PPA1: variants seen among roughly 807,000 people sequenced by gnomAD.
PPA1 encodes the protein inorganic pyrophosphatase.
PPA1 carries 23 observed loss-of-function variants against 41.8 expected under a neutral mutation model. The ratio of observed to expected loss-of-function variants is 0.55; its 90% CI spans 0.40 to 0.78. PPA1 has a LOEUF of 0.78. PPA1 is among the 30% of genes least tolerant of loss of function. The pLI is 0.00. For missense variants in PPA1, 320 were observed against 361.6 expected, an observed-to-expected ratio of 0.89 and a Z score of 0.93; for synonymous variants, 101 against 116.8, an observed-to-expected ratio of 0.86 and a Z score of 0.87.
At chr10:70,212,823 CAA>C (rs59163604) in intron 6 of PPA1, among the ~76,000 whole-genome samples, 48 of 124,036 alleles carry the variant, frequency 3.9e-4, no homozygotes, top group African/African-American at 3.7e-4. Context: ...AATTTACCAC[CAA>C]AAAAAAAAAA....
chr10:70,232,821 C>T (rs1275859208), intron 1 of PPA1, among the ~76,000 whole-genome samples: 2 of 152,042 alleles, frequency 1.3e-5, no homozygotes, highest in Non-Finnish European at 2.9e-5. Context: ...ATCTGAGCTA[C>T]GGCGGCGGAA....
intron 1 of PPA1, among the ~76,000 whole-genome samples, chr10:70,232,643 G>A (rs904187325): frequency 1.3e-5 from 2 of 152,208 alleles, no homozygotes; most frequent in Non-Finnish European, 2.9e-5. Context: ...TGTTTCATAA[G>A]GAGCATTCCC....
In PPA1 at chr10:70,211,170, C is replaced by T. The variant is rs115837394; in HGVS notation, c.512-1485G>A. Among the ~76,000 whole-genome samples the T allele has an allele frequency of 6.6e-3, 1,001 of 152,288 alleles. 12 individuals carry two copies. The highest frequency in any genetic ancestry group is 0.023 in the African/African-American group (959 of 41,548). On this transcript the variant is annotated intron_variant, in intron 6 of 10. Coordinates refer to ENST00000373232, the MANE Select transcript of PPA1 (RefSeq NM_021129.4). ...GAATGCACTGGGAAATGTTTAAGCA[C>T]TAGTAAATTTCAAAGAACTTATAAT... is the stretch of plus-strand genomic sequence containing the variant.
At chr10:70,206,092 A>G (rs1839936261) in intron 9 of PPA1, 172 bp downstream of exon 9, 4 of 597,018 alleles carry the variant, frequency 6.7e-6, no homozygotes, top group South Asian at 6.4e-5. Flanking sequence ...CTTCTCCCTC[A>G]GTCAAATGGC....
At chr10:70,209,842 T>C (rs751514713) in intron 6 of PPA1, 157 bp from the exon 7 acceptor site, 311 of 866,602 alleles carry the variant, frequency 3.6e-4, no homozygotes, top group Admixed American at 4.5e-4. Flanking sequence ...TCACGGAAGT[T>C]CAAGATAACA....
intron 6 of PPA1, among the ~76,000 whole-genome samples, chr10:70,212,216 T>A (rs1241976999): frequency 6.6e-6 from 1 of 152,240 alleles, no homozygotes; most frequent in Non-Finnish European, 1.5e-5. Flanking sequence ...TCTTCCTCAT[T>A]TGTCTATTTA....
At chr10:70,218,713 AG>A in intron 3 of PPA1, 50 bp downstream of exon 3, 1 of 1,360,238 alleles carries the variant, frequency 7.4e-7, no homozygotes, top group Non-Finnish European at 1.0e-6. Context: ...CAGTGTGACT[AG>A]ATCAAAACCA....
At chr10:70,204,783 A>G in intron 10 of PPA1, 90 bp downstream of exon 10, 1 of 1,050,180 alleles carries the variant, frequency 9.5e-7, no homozygotes, top group East Asian at 2.6e-5. Context: ...AATATATTTA[A>G]TTATCATTTG....
At chr10:70,229,150 A>G (rs1840261415) in intron 2 of PPA1, among the ~76,000 whole-genome samples, 1 of 152,230 alleles carries the variant, frequency 6.6e-6, no homozygotes, top group African/African-American at 2.4e-5. Context: ...GTAAGAAAAG[A>G]TGTGTTTTTT....
chr10:70,208,478 A>T (rs1839975301), intron 8 of PPA1, among the ~76,000 whole-genome samples: 1 of 151,682 alleles, frequency 6.6e-6, no homozygotes, highest in Non-Finnish European at 1.5e-5. Context: ...GGCAAGCGCC[A>T]CCATGCCTGG....
At chr10:70,232,081 G>T (rs553515516) in intron 1 of PPA1, among the ~76,000 whole-genome samples, 170 of 152,276 alleles carry the variant, frequency 1.1e-3, no homozygotes, top group African/African-American at 3.9e-3. Context: ...AATGGAGAGT[G>T]GGGGGTAGTT....
intron 2 of PPA1, among the ~76,000 whole-genome samples, chr10:70,223,370 AC>A (rs918163725): frequency 6.6e-6 from 1 of 152,038 alleles, no homozygotes; most frequent in African/African-American, 2.4e-5. Context: ...GTGCACCACC[AC>A]ACCTGGCTAA....
Position 70,209,201 on chromosome 10 carries a change from T to C in PPA1, c.725+4A>G, listed in dbSNP as rs1345639506. On this transcript the variant is annotated splice_donor_region_variant and intron_variant, in intron 8 of 10. Transcript: ENST00000373232. ...TGTTAAACATGCAAAGTGTTTACAC[T>C]TACCAACTGATTCCTTTTCCATTCG... is the stretch of plus-strand genomic sequence containing the variant. The C allele has an allele frequency of 1.9e-6, 3 of 1,577,256 alleles. No homozygotes were observed. Among genetic ancestry groups the C allele is most frequent in the East Asian group, 4.5e-5 (2 of 44,710 alleles).
intron 7 of PPA1, 80 bp from the exon 8 acceptor site, chr10:70,209,370 C>T: frequency 7.5e-7 from 1 of 1,336,924 alleles, no homozygotes; most frequent in African/African-American, 1.5e-5. Flanking sequence ...AAGCCTGATA[C>T]TTTGTCTCTT....
intron 6 of PPA1, among the ~76,000 whole-genome samples, chr10:70,211,651 A>T (rs1840021132): frequency 6.6e-6 from 1 of 152,180 alleles, no homozygotes; most frequent in Non-Finnish European, 1.5e-5. Flanking sequence ...TACTTGCGCC[A>T]TGGGACCAGC....
intron 8 of PPA1, among the ~76,000 whole-genome samples, chr10:70,206,618 G>A (rs948661007): frequency 1.1e-4 from 16 of 151,984 alleles, no homozygotes; most frequent in Middle Eastern, 3.4e-3. Context: ...GGCTGAGGCA[G>A]GCGGATCATG....
intron 2 of PPA1, among the ~76,000 whole-genome samples, chr10:70,221,047 ATATATATAATT>A (rs1157241690): frequency 1.2e-3 from 77 of 62,788 alleles, no homozygotes; most frequent in South Asian, 4.4e-3. Flanking sequence ...TAAATTATAT[ATATATATAATT>A]TATATATATA....
rs1050375831 is a variant in PPA1 at position 70,233,378 on chromosome 10, C to A, written c.-51G>T. 1 of 1,525,856 alleles carries A rather than the reference C, an allele frequency of 6.6e-7. No individual in the cohort carries two copies. The highest frequency in any genetic ancestry group is 8.8e-7 in the Non-Finnish European group (1 of 1,140,326). 94.5% of individuals were successfully genotyped at this position (1,525,856 alleles called of 1,614,324 possible). ...TGCCACAGAGCCACCAGCCCGCACG[C>A]GGCGCCGACTGACAAGGAGAGAGCC... On this transcript the variant is annotated 5_prime_UTR_variant, in exon 1 of 11. Transcript: ENST00000373232.
Position 70,211,054 on chromosome 10 carries a change from C to T in PPA1, c.512-1369G>A, listed in dbSNP as rs189492873. 5.3e-4 allele frequency among the ~76,000 whole-genome samples: 81 copies of T among 152,270 alleles called. No individual in the cohort carries two copies. The East Asian group carries it at 9.5e-3, about 18-fold the overall frequency. On this transcript the variant is annotated intron_variant, in intron 6 of 10. Coordinates refer to ENST00000373232, the MANE Select transcript of PPA1 (RefSeq NM_021129.4). ...CTGGGATTACAGGCGTGAGCCACCG[C>T]GCCCGGCCGCTTCAATCCAATTTAT...
Sources: allele counts gnomAD v4.1 joint callset (sites outside exome capture counted in the v4.1 genomes callset), GRCh38; gene constraint gnomAD v4.1.1; transcripts MANE v1.5; gene names NCBI Gene and HGNC (gene_info 2026-07-23, HGNC 2026-07-21).